FBN3: variants seen among roughly 807,000 people sequenced by gnomAD.
FBN3 encodes fibrillin-3.
FBN3 carries 234 observed loss-of-function variants against 330.1 expected under a neutral mutation model. The observed-to-expected ratio is 0.71, with a 90% CI of 0.64 to 0.79. The LOEUF (loss-of-function observed/expected upper bound fraction) is 0.79, where lower values mean the gene tolerates loss of function less well. Ranked by LOEUF, FBN3 falls within the 30% of genes least tolerant of loss-of-function variation. FBN3 has a pLI of 0.00. For missense variants in FBN3, 3,606 were observed against 3,886.9 expected (o/e 0.93, Z 1.92); for synonymous variants, 1,458 against 1,517.3 (o/e 0.96, Z 0.91).
intron 42 of FBN3, 74 bp from the exon 43 acceptor site, chr19:8,097,080 C>A: frequency 6.4e-7 from 1 of 1,567,942 alleles, no homozygotes; most frequent in Non-Finnish European, 8.7e-7. Flanking sequence ...GAAACCCAGT[C>A]CACTGCTTCG....
chr19:8,080,872 T>G (rs2081762733), intron 59 of FBN3, 131 bp downstream of exon 59: 1 of 656,474 alleles, frequency 1.5e-6, no homozygotes, highest in African/African-American at 1.8e-5. Context: ...TCCACCCGCT[T>G]CAGCTTTCCA....
Position 8,111,688 on chromosome 19 carries a change from G to A in FBN3, c.4044C>T (p.Thr1348=). Residue 1348 remains threonine (T), a synonymous_variant, in exon 32 of 64, where the codon ACC becomes ACT. Transcript: ENST00000600128. ...CATCCCCGGCAAAGCCCTGGCGGCA[G>A]GTGCAGCGGTAGGAGCCAGGGACAT... ...CLNVPGSYRC[T]CRQGFAGDGF... The A allele has an allele frequency of 6.3e-7, 1 of 1,580,868 alleles. No homozygotes were observed. Among genetic ancestry groups the A allele is most frequent in the Non-Finnish European group, 8.6e-7 (1 of 1,159,728 alleles).
chr19:8,129,152 G>A lies in FBN3; in HGVS notation c.2172C>T (p.Asp724=), dbSNP rs533723952. ...EAGASGKDCT[D]VDECALNSLL... The stretch of plus-strand genomic sequence containing the variant: ...GGCTGTTGAGGGCACACTCATCCAC[G>A]TCTGTGGGGTGGGGGTGGGAGAGAG... The change falls in exon 18 of 64, where the codon GAC becomes GAT. Residue 724 remains aspartate, a splice_region_variant and synonymous_variant. Coordinates refer to ENST00000600128, the MANE Select transcript of FBN3 (RefSeq NM_032447.5). This position sits in a 1 kb window ranked among gnomAD's most constrained non-coding sequence, Gnocchi z 4.5. 41 of 1,612,204 alleles carry A rather than the reference G, an allele frequency of 2.5e-5. No homozygotes were observed. Among genetic ancestry groups the A allele is most frequent in the African/African-American group, 4.0e-5 (3 of 74,838 alleles).
chr19:8,099,703 A>G (rs2082286693), intron 41 of FBN3, among the ~76,000 whole-genome samples: 1 of 152,022 alleles, frequency 6.6e-6, no homozygotes, highest in Non-Finnish European at 1.5e-5. Context: ...AAATTATGCA[A>G]TACGTTGTTA....
In FBN3 at chr19:8,136,049, G is replaced by A. The variant is rs370150353; in HGVS notation, c.1503C>T (p.His501=). Residue 501 remains histidine (H), a synonymous_variant, in exon 13 of 64, where the codon CAC becomes CAT. Coordinates refer to ENST00000600128, the MANE Select transcript of FBN3 (RefSeq NM_032447.5). ...CCTCTGTGTTGACACAGCGGCCCAG[G>A]TGACAAAGGCCACCACTGACAATGC... ...DECIVSGGLC[H]LGRCVNTEGS... is the part of the protein sequence containing the mutation. The A allele has an allele frequency of 1.2e-6, 2 of 1,612,598 alleles. No individual in the cohort carries two copies. Among genetic ancestry groups the A allele is most frequent in the Non-Finnish European group, 8.5e-7 (1 of 1,179,276 alleles).
chr19:8,124,059 T>C, intron 22 of FBN3, 51 bp from the exon 23 acceptor site: 2 of 1,485,372 alleles, frequency 1.3e-6, no homozygotes, highest in Non-Finnish European at 1.9e-6. Context: ...CTGTGCCCAC[T>C]GCGGGACAGG....
At chr19:8,070,820 C>T (rs563515503) in intron 63 of FBN3, among the ~76,000 whole-genome samples, 110 of 152,112 alleles carry the variant, frequency 7.2e-4, no homozygotes, top group Non-Finnish European at 1.4e-3. Context: ...GTCAGGAGTT[C>T]AAGACCAGCC....
At position 8,087,835 on chromosome 19, in the gene FBN3, G is replaced by A. The variant is rs770083439; in HGVS notation, c.6609C>T (p.Ala2203=). The part of the protein sequence containing the change: ...PAGYTLREDG[A]MCRDVDECAD... ...ATTAGTCAGGCCTACCTCGACACAT[G>A]GCCCCATCCTCCCGCAGGGTGTAGC... The change falls in exon 53 of 64, where the codon GCC becomes GCT. Residue 2203 remains alanine, a synonymous_variant. Transcript: ENST00000600128. 4 of 1,613,862 alleles carry A rather than the reference G, an allele frequency of 2.5e-6. No homozygotes were observed. In the Admixed American group the frequency reaches 6.7e-5, roughly 27 times the overall value.
rs955582628 is a variant in FBN3 at position 8,125,501 on chromosome 19, C to T, written c.2731+391G>A. Among the ~76,000 whole-genome samples, 3 of 151,888 alleles carry T rather than the reference C, an allele frequency of 2.0e-5. No homozygotes were observed. The East Asian group carries it at 5.8e-4, about 29-fold the overall frequency. On this transcript the variant is annotated intron_variant, in intron 22 of 63. Transcript: ENST00000600128. ...ATCCCAAAGGATGCCTGAAATCTCT[C>T]CTGTTCAGGCCAGGCGTGGTGGCTC...
chr19:8,091,501 C>T lies in FBN3; in HGVS notation c.5995G>A (p.Gly1999Ser). The change falls in exon 48 of 64, where the codon GGC becomes AGC. Residue 1999 changes from glycine (G) to serine (S), a missense_variant. Physicochemically the swap from Gly to Ser is moderately conservative, Grantham distance 56. Coordinates refer to ENST00000600128, the MANE Select transcript of FBN3 (RefSeq NM_032447.5). ...PGSFQCLCPP[G>S]FVLSDNGHRC... Reference sequence around the variant, plus strand: ...TGCCCATTGTCAGAGAGGACAAAGCCAGGTGGGCAGAGGCACTGGAAGCTC... The same window carrying T: ...TGCCCATTGTCAGAGAGGACAAAGCTAGGTGGGCAGAGGCACTGGAAGCTC... 6.2e-7 allele frequency: 1 copy of T among 1,614,204 alleles called. No individual in the cohort carries two copies. Among genetic ancestry groups the T allele is most frequent in the Non-Finnish European group, 8.5e-7 (1 of 1,180,054 alleles).
intron 57 of FBN3, among the ~76,000 whole-genome samples, chr19:8,082,142 C>CT (rs1221176207): frequency 7.6e-6 from 1 of 131,064 alleles, no homozygotes; most frequent in Non-Finnish European, 1.7e-5. Context: ...TTCTTTTTTT[C>CT]TTTTTTTTAG....
At chr19:8,128,771 A>G (rs944927373) in intron 18 of FBN3, among the ~76,000 whole-genome samples, 2 of 152,186 alleles carry the variant, frequency 1.3e-5, no homozygotes, top group African/African-American at 4.8e-5. Flanking sequence ...TGCAACGTGC[A>G]TGTCTGAGTG....
At chr19:8,138,372 C>G in intron 9 of FBN3, 40 bp downstream of exon 9, 1 of 1,610,306 alleles carries the variant, frequency 6.2e-7, no homozygotes, top group Non-Finnish European at 8.5e-7. Flanking sequence ...CCCCTGTCCC[C>G]TCCTCACCCA....
chr19:8,118,979 G>T lies in FBN3; in HGVS notation c.3255C>A (p.Gly1085=), dbSNP rs2082774808. The stretch of plus-strand genomic sequence containing the variant: ...AGCTCCCATCCGTGTTGGTGCAAGT[G>T]CCTCCCCGGCAGAGCAGCGGGTCCC... ...CARDPLLCRG[G]TCTNTDGSYK... Residue 1085 remains glycine, a synonymous_variant, in exon 26 of 64, where the codon GGC becomes GGA. Transcript: ENST00000600128. 1.9e-6 allele frequency: 3 copies of T among 1,611,216 alleles called. No individual in the cohort carries two copies. The highest frequency in any genetic ancestry group is 1.7e-6 in the Non-Finnish European group (2 of 1,177,608).
At chr19:8,134,691 T>G (rs2083237056) in intron 13 of FBN3, among the ~76,000 whole-genome samples, 1 of 151,480 alleles carries the variant, frequency 6.6e-6, no homozygotes, top group African/African-American at 2.4e-5. Context: ...CTCAGCACTT[T>G]GGGAGGCCAA....
intron 28 of FBN3, 76 bp downstream of exon 28, chr19:8,117,093 G>A (rs1252645550): frequency 1.3e-6 from 2 of 1,579,510 alleles, no homozygotes; most frequent in Admixed American, 1.7e-5. Flanking sequence ...CTGGGCTCTG[G>A]GCCAGTGCAG....
chr19:8,090,975 A>G (rs10416843), intron 48 of FBN3, among the ~76,000 whole-genome samples: 75,869 of 151,976 alleles, frequency 0.5, 19,661 homozygotes, highest in Middle Eastern at 0.64. Context: ...GACACCTATC[A>G]AGTCCTCACC....
In FBN3 at chr19:8,095,375, C is replaced by T; in HGVS notation, c.5785G>A (p.Asp1929Asn). The T allele has an allele frequency of 6.2e-7, 1 of 1,612,874 alleles. No individual in the cohort carries two copies. Among genetic ancestry groups the T allele is most frequent in the Non-Finnish European group, 8.5e-7 (1 of 1,179,296 alleles). ...CTCCGAGCACCATAGGCAGACTCAC[C>T]CACACAGTTCTTCCCATCAGCTGTG... ...ELTADGKNCV[D>N]TNECLSLAGT... is the part of the protein sequence containing the mutation. Residue 1929 changes from aspartate (D) to asparagine (N), a missense_variant and splice_region_variant, in exon 46 of 64, where the codon GAC (aspartate) becomes AAC (asparagine). By Grantham distance (23) the Asp-to-Asn change is conservative (BLOSUM62 1). Coordinates refer to ENST00000600128, the MANE Select transcript of FBN3 (RefSeq NM_032447.5).
In FBN3 at chr19:8,109,308, C is replaced by T. The variant is rs766679310; in HGVS notation, c.4537G>A (p.Gly1513Ser). ...GISCSAEIGV[G>S]VTRASCCCSL... ...CAACAGCAGGAAGCTCGGGTGACAC[C>T]AACTCCGATCTCGGCACTGCAGGAA... Residue 1513 changes from glycine (G) to serine (S), a missense_variant, in exon 36 of 64, where the codon GGT (glycine) becomes AGT (serine). By Grantham distance (56) the Gly-to-Ser change is moderately conservative (BLOSUM62 0). Transcript: ENST00000600128. This position sits in a 1 kb window ranked among gnomAD's most constrained non-coding sequence, Gnocchi z 5.2. The T allele has an allele frequency of 1.2e-6, 2 of 1,614,190 alleles. No homozygotes were observed. The highest frequency in any genetic ancestry group is 2.2e-5 in the South Asian group (2 of 91,082).
Sources: gnomAD v4.1 joint callset for allele counts (sites outside exome capture counted in the v4.1 genomes callset) on GRCh38, gnomAD v4.1.1 for gene constraint, Gnocchi (gnomAD v3.1) non-coding constraint, MANE v1.5 for transcripts, NCBI Gene and HGNC (gene_info 2026-07-23, HGNC 2026-07-21) for gene names.